Variants in MAGI1 observed in about 807,000 individuals in gnomAD.
The protein encoded by MAGI1 is membrane associated guanylate kinase, WW and PDZ domain containing 1, also known as membrane-associated guanylate kinase, WW and PDZ domain-containing protein 1.
In MAGI1, 58 loss-of-function variants were observed where a neutral mutation model predicts 139.9. That is an observed-to-expected ratio of 0.41 (90% confidence interval 0.34 to 0.52). MAGI1 has a LOEUF of 0.52. Ranked by LOEUF, MAGI1 falls within the 20% of genes least tolerant of loss-of-function variation. The probability of loss-of-function intolerance (pLI) is 0.12; values close to 1 mark genes in which losing one functional copy is unlikely to be tolerated. For missense variants in MAGI1, 1,874 were observed against 1,901.6 expected, an observed-to-expected ratio of 0.99 and a Z score of 0.27; for synonymous variants, 812 against 737.9, an observed-to-expected ratio of 1.10 and a Z score of -1.63.
intron 1 of MAGI1, among the ~76,000 whole-genome samples, chr3:65,734,959 GATC>G (rs1056146682): frequency 1.4e-4 from 21 of 151,906 alleles, no homozygotes; most frequent in Non-Finnish European, 2.6e-4. Context: ...TTATCCTATA[GATC>G]ATTACAATTC....
chr3:65,412,118 C>G (rs974833969), intron 12 of MAGI1, among the ~76,000 whole-genome samples: 1 of 152,176 alleles, frequency 6.6e-6, no homozygotes, highest in Non-Finnish European at 1.5e-5. Flanking sequence ...TCCCACTAAG[C>G]CCTCCTGGAT....
chr3:65,704,231 T>C (rs1401627774), intron 1 of MAGI1, among the ~76,000 whole-genome samples: 3 of 152,320 alleles, frequency 2.0e-5, no homozygotes, highest in Admixed American at 2.0e-4. Context: ...AGGCTTAGTT[T>C]TCCCCAGCCC....
intron 2 of MAGI1, among the ~76,000 whole-genome samples, chr3:65,601,207 G>A (rs1032761081): frequency 1.3e-5 from 2 of 152,114 alleles, no homozygotes; most frequent in Admixed American, 6.5e-5. Context: ...ATATAGCTCT[G>A]TTGGATATAA....
At position 65,379,386 on chromosome 3, in the gene MAGI1, C is replaced by G. The variant is rs140952372; in HGVS notation, c.2870G>C (p.Gly957Ala). The G allele has an allele frequency of 1.7e-5, 27 of 1,612,508 alleles. No individual in the cohort carries two copies. The highest frequency in any genetic ancestry group is 1.4e-4 in the South Asian group (13 of 90,958). ...CACGGTGCTGACCACGCCGCTGCCC[C>G]CGCCGCCGCCACTGCCGATGCCGCT... ...STSGIGSGGG[G>A]GSGVVSTVVQ... Residue 957 changes from glycine to alanine, a missense_variant, in exon 17 of 23, where the codon GGG becomes GCG. This residue lies in a region of MAGI1 where 482 missense variants were observed against 509.6 expected (regional missense o/e 0.95). Coordinates refer to ENST00000402939, the MANE Select transcript of MAGI1 (RefSeq NM_001033057.2).
At chr3:65,711,222 T>C (rs1349961671) in intron 1 of MAGI1, among the ~76,000 whole-genome samples, 2 of 152,122 alleles carry the variant, frequency 1.3e-5, no homozygotes, top group Admixed American at 1.3e-4. Flanking sequence ...TCTAGAAGGG[T>C]TGAAATAATT....
At chr3:66,012,190 G>T (rs746444982) in intron 1 of MAGI1, among the ~76,000 whole-genome samples, 15 of 152,090 alleles carry the variant, frequency 9.9e-5, no homozygotes, top group Admixed American at 2.6e-4. Flanking sequence ...ACTTCCAGAT[G>T]CATACAGGCT....
At chr3:65,790,404 T>G (rs2039679302) in intron 1 of MAGI1, among the ~76,000 whole-genome samples, 2 of 152,340 alleles carry the variant, frequency 1.3e-5, no homozygotes, top group South Asian at 4.1e-4. Flanking sequence ...AGCAAAGCTC[T>G]GCCTAAATAA....
chr3:65,652,450 C>G (rs144394085), intron 1 of MAGI1, among the ~76,000 whole-genome samples: 1 of 152,090 alleles, frequency 6.6e-6, no homozygotes, highest in African/African-American at 2.4e-5. Flanking sequence ...TTAGCGGCAC[C>G]CCTGGTCTCT....
At chr3:65,462,478 A>G (rs1353904807) in intron 5 of MAGI1, among the ~76,000 whole-genome samples, 1 of 152,176 alleles carries the variant, frequency 6.6e-6, no homozygotes, top group African/African-American at 2.4e-5. Context: ...ATTGGTCTAT[A>G]TATCTGTTTT....
chr3:65,768,719 G>A (rs2037700656), intron 1 of MAGI1, among the ~76,000 whole-genome samples: 1 of 152,150 alleles, frequency 6.6e-6, no homozygotes, highest in African/African-American at 2.4e-5. Context: ...TCCAGTTGTG[G>A]TAGAACACAC....
intron 1 of MAGI1, among the ~76,000 whole-genome samples, chr3:66,028,988 A>G (rs1159104853): frequency 6.6e-6 from 1 of 152,170 alleles, no homozygotes; most frequent in Non-Finnish European, 1.5e-5. Flanking sequence ...AGCACTCACT[A>G]TGTGCCAAGC....
At chr3:65,813,224 A>G (rs1287468320) in intron 1 of MAGI1, among the ~76,000 whole-genome samples, 1 of 151,538 alleles carries the variant, frequency 6.6e-6, no homozygotes, top group Admixed American at 6.6e-5. Flanking sequence ...CAAGCGCCAC[A>G]CCCCCATTTC....
intron 1 of MAGI1, among the ~76,000 whole-genome samples, chr3:66,018,113 TGG>T (rs200952234): frequency 2.1e-4 from 12 of 57,636 alleles, no homozygotes; most frequent in Middle Eastern, 7.4e-3. Flanking sequence ...GACACTTTGG[TGG>T]GGGGGGGGGG....
intron 1 of MAGI1, among the ~76,000 whole-genome samples, chr3:65,625,641 A>C (rs999730829): frequency 6.6e-6 from 1 of 152,208 alleles, no homozygotes; most frequent in Admixed American, 6.5e-5. Flanking sequence ...GATGGAAATT[A>C]TAATTATGAT....
At chr3:66,009,616 A>G (rs2067218516) in intron 1 of MAGI1, among the ~76,000 whole-genome samples, 1 of 152,228 alleles carries the variant, frequency 6.6e-6, no homozygotes, top group East Asian at 1.9e-4. Flanking sequence ...AACGATACCT[A>G]CATAATAATG....
chr3:65,589,157 A>T (rs2081840205), intron 2 of MAGI1, among the ~76,000 whole-genome samples: 1 of 152,210 alleles, frequency 6.6e-6, no homozygotes, highest in South Asian at 2.1e-4. Context: ...AAACTTGAAT[A>T]GTTGAAAATG....
chr3:65,366,338 T>C (rs1941412055), intron 18 of MAGI1, among the ~76,000 whole-genome samples: 2 of 152,252 alleles, frequency 1.3e-5, no homozygotes, highest in Non-Finnish European at 2.9e-5. Context: ...AAGCCCATTA[T>C]TCTTCTAGCT....
At chr3:65,365,307 T>C (rs897522238) in intron 18 of MAGI1, 18 of 431,202 alleles carry the variant, frequency 4.2e-5, no homozygotes, top group South Asian at 3.4e-4. Flanking sequence ...AGAATTCTCT[T>C]CCAGAACTTT....
chr3:65,773,173 T>C (rs2038093052), intron 1 of MAGI1, among the ~76,000 whole-genome samples: 1 of 152,138 alleles, frequency 6.6e-6, no homozygotes, highest in Non-Finnish European at 1.5e-5. Flanking sequence ...TCACCAACCC[T>C]GAATCACTAT....
Sources: allele counts gnomAD v4.1 joint callset (sites outside exome capture counted in the v4.1 genomes callset), GRCh38; gene constraint gnomAD v4.1.1; regional missense constraint gnomAD v4.1.1; transcripts MANE v1.5; gene names NCBI Gene and HGNC (gene_info 2026-07-23, HGNC 2026-07-21).